Variants in HSD11B1 observed in about 807,000 individuals in gnomAD.
The protein encoded by HSD11B1 is 11-beta-hydroxysteroid dehydrogenase 1.
A neutral mutation model predicts 22.1 loss-of-function variants in HSD11B1; 15 were observed. That is an observed-to-expected ratio of 0.68 (90% CI 0.45 to 1.04). HSD11B1 has a LOEUF of 1.04. Among genes scored for constraint, HSD11B1 ranks in the 50% least tolerant of loss-of-function variants. HSD11B1 has a pLI of 0.00. For synonymous variants in HSD11B1, 122 were observed against 125.2 expected (o/e 0.97, Z 0.17); for missense variants, 281 against 357.6 (o/e 0.79, Z 1.73).
At chr1:209,687,020 C>T (rs2076732597) in intron 1 of HSD11B1, among the ~76,000 whole-genome samples, 1 of 152,174 alleles carries the variant, frequency 6.6e-6, no homozygotes, top group South Asian at 2.1e-4. Context: ...CTAGAGAAAC[C>T]TGACAGGAAA....
Position 209,730,656 on chromosome 1 carries a change from G to T in HSD11B1, c.518-1780G>T, listed in dbSNP as rs145930260. ...ACTATTTACTATCATTTTCCATCTA[G>T]AATATTTTTTGCTATATGACATAAA... On this transcript the variant is annotated intron_variant, in intron 4 of 5. Coordinates refer to ENST00000367027, the MANE Select transcript of HSD11B1 (RefSeq NM_005525.4). 3.0e-4 allele frequency among the ~76,000 whole-genome samples: 45 copies of T among 152,168 alleles called. No homozygotes were observed. The East Asian group carries it at 7.3e-3, about 25-fold the overall frequency.
At position 209,691,998 on chromosome 1, in the gene HSD11B1, T is replaced by C. The variant is rs547991767; in HGVS notation, c.-49+5713T>C. Among the ~76,000 whole-genome samples, 8 of 152,204 alleles carry C rather than the reference T, an allele frequency of 5.3e-5. No individual in the cohort carries two copies. In the South Asian group the frequency reaches 1.7e-3, roughly 32 times the overall value. ...AAAGAGCAAGGATTGTTGTCACTAGTTGTAAACCTTTTGTACTAGGTGACT... is the reference window on the plus strand; with the variant it reads ...AAAGAGCAAGGATTGTTGTCACTAGCTGTAAACCTTTTGTACTAGGTGACT... On this transcript the variant is annotated intron_variant, in intron 1 of 6. Coordinates refer to the HSD11B1 transcript ENST00000261465.
rs892404495 is a variant in HSD11B1, at chr1:209,734,301, T to C, written c.662-3T>C. ...ACCCTACTCTTCCCTTGTCATTCTA[T>C]AGAAACAGCCATGAAGGCAGTTTCT... On this transcript the variant is annotated splice_polypyrimidine_tract_variant and splice_region_variant and intron_variant, in intron 5 of 5. Coordinates refer to ENST00000367027, the MANE Select transcript of HSD11B1 (RefSeq NM_005525.4). The C allele has an allele frequency of 6.2e-7, 1 of 1,610,664 alleles. No homozygotes were observed.
At chr1:209,705,518 AC>A (rs1440464933) in intron 1 of HSD11B1, among the ~76,000 whole-genome samples, 1 of 152,138 alleles carries the variant, frequency 6.6e-6, no homozygotes, top group Non-Finnish European at 1.5e-5. Flanking sequence ...AATGTCTGGA[AC>A]TCCAGCATTT....
chr1:209,713,151 G>T (rs533182345), intron 4 of HSD11B1, among the ~76,000 whole-genome samples: 11 of 152,280 alleles, frequency 7.2e-5, no homozygotes, highest in Non-Finnish European at 2.9e-5. Flanking sequence ...AAAAACATTT[G>T]TTGTAGGATT....
intron 4 of HSD11B1, chr1:209,723,976 G>T (rs566814260): frequency 6.6e-6 from 1 of 152,346 alleles, no homozygotes; most frequent in East Asian, 1.9e-4. Context: ...AGTTGCTTAT[G>T]TTATTTCCTT....
At chr1:209,728,338 A>G (rs1337194374) in intron 4 of HSD11B1, among the ~76,000 whole-genome samples, 1 of 152,126 alleles carries the variant, frequency 6.6e-6, no homozygotes, top group Non-Finnish European at 1.5e-5. Context: ...TACTTTTCTC[A>G]CCAATTTGAA....
intron 4 of HSD11B1, among the ~76,000 whole-genome samples, chr1:209,721,931 A>G (rs1472014188): frequency 6.6e-6 from 1 of 152,190 alleles, no homozygotes. Flanking sequence ...AAAGTTCTCC[A>G]AATAATGCTA....
At chr1:209,696,176 C>A (rs930296896) in intron 1 of HSD11B1, among the ~76,000 whole-genome samples, 1 of 152,170 alleles carries the variant, frequency 6.6e-6, no homozygotes, top group African/African-American at 2.4e-5. Flanking sequence ...AATAAAATTA[C>A]TGGTTGCCTG....
chr1:209,700,096 A>G (rs772183113), upstream of HSD11B1, among the ~76,000 whole-genome samples: 1 of 152,118 alleles, frequency 6.6e-6, no homozygotes, highest in Non-Finnish European at 1.5e-5. Flanking sequence ...TGGATCTACC[A>G]TTCTGGGGTC....
intron 4 of HSD11B1, among the ~76,000 whole-genome samples, chr1:209,715,465 A>T (rs2076924379): frequency 1.3e-5 from 2 of 152,120 alleles, no homozygotes; most frequent in South Asian, 4.1e-4. Context: ...GAAATGACTG[A>T]TTCCAGGGCA....
At chr1:209,697,145 C>A (rs1330026302) in intron 1 of HSD11B1, among the ~76,000 whole-genome samples, 8 of 152,218 alleles carry the variant, frequency 5.3e-5, no homozygotes, top group Non-Finnish European at 1.2e-4. Context: ...CCTCTCCAGG[C>A]TTCTTACTGT....
chr1:209,727,671 C>A (rs573308119), intron 4 of HSD11B1, among the ~76,000 whole-genome samples: 29 of 152,278 alleles, frequency 1.9e-4, no homozygotes, highest in African/African-American at 7.0e-4. Context: ...TGGTTTGAAT[C>A]CTGCTTCTCC....
At chr1:209,692,160 G>A (rs1330417085) in intron 1 of HSD11B1, among the ~76,000 whole-genome samples, 1 of 151,636 alleles carries the variant, frequency 6.6e-6, no homozygotes, top group African/African-American at 2.4e-5. Context: ...GCATGTTGAT[G>A]TCTGGAGCCA....
chr1:209,727,942 T>C (rs1271452015), intron 4 of HSD11B1, among the ~76,000 whole-genome samples: 1 of 152,188 alleles, frequency 6.6e-6, no homozygotes, highest in African/African-American at 2.4e-5. Flanking sequence ...GTCACTTATT[T>C]CAATTTATTG....
At chr1:209,709,937 AACACACACACACAC>A (rs71143893) in intron 4 of HSD11B1, among the ~76,000 whole-genome samples, 27 of 143,792 alleles carry the variant, frequency 1.9e-4, no homozygotes, top group African/African-American at 6.6e-4. Context: ...CCACATGTGA[AACACACACACACAC>A]ACACACACAC....
chr1:209,696,901 A>T (rs112073106), intron 1 of HSD11B1, among the ~76,000 whole-genome samples: 1 of 152,128 alleles, frequency 6.6e-6, no homozygotes, highest in Non-Finnish European at 1.5e-5. Context: ...CCTGGCAGGA[A>T]GAGTGAAGTG....
chr1:209,728,007 C>G (rs1436057595), intron 4 of HSD11B1, among the ~76,000 whole-genome samples: 1 of 152,150 alleles, frequency 6.6e-6, no homozygotes, highest in African/African-American at 2.4e-5. Flanking sequence ...GATAACTGGG[C>G]CAACCTTCCA....
At chr1:209,732,626 T>C in intron 5 of HSD11B1, 47 bp downstream of exon 5, 2 of 1,508,438 alleles carry the variant, frequency 1.3e-6, no homozygotes, top group African/African-American at 1.4e-5. Flanking sequence ...TACTTTAAGT[T>C]CTAGGGTACA....
Sources: allele counts gnomAD v4.1 joint callset (sites outside exome capture counted in the v4.1 genomes callset), GRCh38; gene constraint gnomAD v4.1.1; transcripts MANE v1.5; gene names NCBI Gene and HGNC (gene_info 2026-07-23, HGNC 2026-07-21).